The following PLXNA2 variants were observed in gnomAD, a reference collection of about 807,000 sequenced individuals.
PLXNA2 encodes plexin A2.
PLXNA2 carries 91 observed loss-of-function variants against 193.5 expected under a neutral mutation model. The observed-to-expected ratio is 0.47, with a 90% CI of 0.40 to 0.56. PLXNA2 has a LOEUF of 0.56. Ranked by LOEUF, PLXNA2 falls within the 20% of genes least tolerant of loss-of-function variation. The pLI is 0.00. For missense variants in PLXNA2, 1,995 were observed against 2,503.2 expected (o/e 0.80, Z 4.33); for synonymous variants, 997 against 1,027.3 (o/e 0.97, Z 0.56).
rs568149815 is a variant in PLXNA2, at chr1:208,239,519, T to C, written c.-81+4124A>G. Among the ~76,000 whole-genome samples, 14 of 152,258 alleles carry C rather than the reference T, an allele frequency of 9.2e-5. No individual in the cohort carries two copies. The East Asian group carries it at 2.5e-3, about 27-fold the overall frequency. On this transcript the variant is annotated intron_variant, in intron 1 of 31. Transcript: ENST00000367033. Reference sequence around the variant, plus strand: ...TCTTCCATCCACCTGCTGGTTTTCTTTGATGTTCAGGATTCCAGGTCTGAC... The same window carrying C: ...TCTTCCATCCACCTGCTGGTTTTCTCTGATGTTCAGGATTCCAGGTCTGAC...
At chr1:208,164,842 T>G (rs1159848749) in intron 3 of PLXNA2, among the ~76,000 whole-genome samples, 3 of 152,142 alleles carry the variant, frequency 2.0e-5, no homozygotes, top group Non-Finnish European at 4.4e-5. Context: ...ACTAACGGAT[T>G]CTCTTATCTC....
In PLXNA2 at chr1:208,082,528, G is replaced by A; in HGVS notation, c.2299-20C>T. 1.3e-6 allele frequency: 2 copies of A among 1,589,628 alleles called. No homozygotes were observed. Among genetic ancestry groups the A allele is most frequent in the Non-Finnish European group, 1.7e-6 (2 of 1,158,360 alleles). ...CTGGTACTATAGGGAGACGGGCAGAGGCATGGGGCTCATGTGGCTCTCTAT... is the reference window on the plus strand; with the variant it reads ...CTGGTACTATAGGGAGACGGGCAGAAGCATGGGGCTCATGTGGCTCTCTAT... On this transcript the variant is annotated intron_variant, in intron 10 of 31. Coordinates refer to ENST00000367033, the MANE Select transcript of PLXNA2 (RefSeq NM_025179.4). The surrounding 1 kb of genome is among the most constrained non-coding windows in gnomAD (Gnocchi z 4.2).
chr1:208,107,402 G>GT (rs1259597573), intron 4 of PLXNA2, among the ~76,000 whole-genome samples: 1 of 152,170 alleles, frequency 6.6e-6, no homozygotes, highest in African/African-American at 2.4e-5. Context: ...GATTTTAGGG[G>GT]TGTAGGGGAA....
In PLXNA2 at chr1:208,086,948, A is replaced by ACTCTCTCTCTCTCT. The variant is rs59683728; in HGVS notation, c.2098-2382_2098-2369dup. Among the ~76,000 whole-genome samples, 1,230 of 134,662 alleles carry ACTCTCTCTCTCTCT rather than the reference A, an allele frequency of 9.1e-3. 30 individuals are homozygous for ACTCTCTCTCTCTCT. Among genetic ancestry groups the ACTCTCTCTCTCTCT allele is most frequent in the East Asian group, 0.046 (196 of 4,220 alleles). The allele number at this position is 134,662 out of a possible 152,430, so 88.3% of individuals were successfully genotyped here. On this transcript the variant is annotated intron_variant, in intron 9 of 31. Transcript: ENST00000367033. ...GCTGGGGTATAATGGTCTCTCTCGC[A>ACTCTCTCTCTCTCT]CTCTCTCTCTCTCTCTCTCTCTCTC...
chr1:208,217,056 C>A lies in PLXNA2; in HGVS notation c.867G>T (p.Lys289Asn). 1.2e-6 allele frequency: 2 copies of A among 1,613,398 alleles called. No individual in the cohort carries two copies. The highest frequency in any genetic ancestry group is 1.7e-6 in the Non-Finnish European group (2 of 1,179,470). ...AGGGCAGGGACACGTATGAGTGGAA[C>A]TTGGGGTCATCCTTGCAGAGCCGCA... ...RIVRLCKDDP[K>N]FHSYVSLPFG... is the part of the protein sequence containing the mutation. Residue 289 changes from lysine to asparagine, a missense_variant, in exon 2 of 32, where the codon AAG becomes AAT. Physicochemically the swap from Lys to Asn is moderately conservative, Grantham distance 94. Transcript: ENST00000367033. The surrounding 1 kb of genome is among the most constrained non-coding windows in gnomAD (Gnocchi z 4.7).
At position 208,044,977 on chromosome 1, in the gene PLXNA2, C is replaced by T; in HGVS notation, c.3639+90G>A. ...GGAGATATGGAGGGGGTGAGTCAGG[C>T]AACGAGACAGAAGAGAGCCTTTCCT... is the stretch of plus-strand genomic sequence containing the variant. On this transcript the variant is annotated intron_variant, in intron 19 of 31. Transcript: ENST00000367033. The surrounding 1 kb of genome is among the most constrained non-coding windows in gnomAD (Gnocchi z 4.9). 2 of 1,485,584 alleles carry T rather than the reference C, an allele frequency of 1.3e-6. No individual in the cohort carries two copies. Among genetic ancestry groups the T allele is most frequent in the Middle Eastern group, 2.1e-4 (1 of 4,866 alleles). 92.0% of individuals were successfully genotyped at this position (1,485,584 alleles called of 1,614,324 possible). A position where few individuals can be genotyped will look rare whatever the true frequency, so the allele number is the denominator to read the frequency against.
At chr1:208,166,850 G>A (rs1373533655) in intron 3 of PLXNA2, among the ~76,000 whole-genome samples, 1 of 152,170 alleles carries the variant, frequency 6.6e-6, no homozygotes, top group East Asian at 1.9e-4. Context: ...TCTGGTTTCG[G>A]TTCCTCACAC....
At position 208,025,501 on chromosome 1, in the gene PLXNA2, G is replaced by C. The variant is rs1248039279; in HGVS notation, c.*1742C>G. On this transcript the variant is annotated 3_prime_UTR_variant, in exon 32 of 32. Coordinates refer to ENST00000367033, the MANE Select transcript of PLXNA2 (RefSeq NM_025179.4). The stretch of plus-strand genomic sequence containing the variant: ...TTTGAAAAGTGAGGAAGGGCAGCTT[G>C]TTCCTCTTTGTCTTCCCCAGTCCCA... 1 of 152,466 alleles carries C rather than the reference G, an allele frequency of 6.6e-6. No individual in the cohort carries two copies. Among genetic ancestry groups the C allele is most frequent in the Non-Finnish European group, 1.5e-5 (1 of 68,196 alleles). 9.4% of individuals were successfully genotyped at this position (152,466 alleles called of 1,614,324 possible). A position where few individuals can be genotyped will look rare whatever the true frequency, so the allele number is the denominator to read the frequency against.
chr1:208,040,008 A>G lies in PLXNA2; in HGVS notation c.4337T>C (p.Leu1446Pro), dbSNP rs757428762. 1 of 1,614,132 alleles carries G rather than the reference A, an allele frequency of 6.2e-7. No homozygotes were observed. The highest frequency in any genetic ancestry group is 8.5e-7 in the Non-Finnish European group (1 of 1,179,986). ...KMLTNWFAFLLHKFLKECAGE... is the reference protein window; with the variant it reads ...KMLTNWFAFLPHKFLKECAGE... ...CTTTCTCACCTTTAGGAACTTGTGC[A>G]GGAGGAAGGCGAACCAATTGGTCAG... The change falls in exon 23 of 32, where the codon CTG (leucine) becomes CCG (proline). Residue 1446 changes from leucine to proline, a missense_variant. Physicochemically the swap from Leu to Pro is moderately conservative, Grantham distance 98 (BLOSUM62 -3). Around this residue, in one of 3 missense-constraint regions of PLXNA2, gnomAD observed 1,291 missense variants for 1,673.6 expected, o/e 0.77. Transcript: ENST00000367033.
Position 208,038,875 on chromosome 1 carries a change from T to C in PLXNA2, c.4610A>G (p.Tyr1537Cys), listed in dbSNP as rs1233171503. 3.1e-6 allele frequency: 5 copies of C among 1,614,112 alleles called. No individual in the cohort carries two copies. The highest frequency in any genetic ancestry group is 1.1e-5 in the South Asian group (1 of 91,076). ...QVKEKILDAV[Y>C]KNVPYSQRPR... ...CCGCTGGGAATAGGGCACATTCTTA[T>C]ACACGGCATCAAGAATCTTCTCCTT... Residue 1537 changes from tyrosine to cysteine, a missense_variant, in exon 25 of 32, where the codon TAT becomes TGT. Physicochemically the swap from Tyr to Cys is radical, Grantham distance 194. Coordinates refer to ENST00000367033, the MANE Select transcript of PLXNA2 (RefSeq NM_025179.4). This position sits in a 1 kb window ranked among gnomAD's most constrained non-coding sequence, Gnocchi z 4.1.
At chr1:208,062,081 A>T (rs1191300822) in intron 12 of PLXNA2, among the ~76,000 whole-genome samples, 2 of 152,058 alleles carry the variant, frequency 1.3e-5, no homozygotes, top group Non-Finnish European at 2.9e-5. Flanking sequence ...GCAAAAAAAA[A>T]GGGGACTTGA....
At position 208,024,681 on chromosome 1, in the gene PLXNA2, C is replaced by T. The variant is rs544772118; in HGVS notation, c.*2562G>A. 103 of 152,440 alleles carry T rather than the reference C, an allele frequency of 6.8e-4. No homozygotes were observed. The highest frequency in any genetic ancestry group is 1.2e-3 in the Non-Finnish European group (82 of 68,144). The allele number at this position is 152,440 out of a possible 1,614,324, so 9.4% of individuals were successfully genotyped here. A position where few individuals can be genotyped will look rare whatever the true frequency, so the allele number is the denominator to read the frequency against. ...AGGAAACGCCCCAGGGGCAGTGAATCGTCTCCAAAAGTAACTGCTGGGAGA... is the reference window on the plus strand; with the variant it reads ...AGGAAACGCCCCAGGGGCAGTGAATTGTCTCCAAAAGTAACTGCTGGGAGA... On this transcript the variant is annotated 3_prime_UTR_variant, in exon 32 of 32. Transcript: ENST00000367033.
chr1:208,117,042 A>G (rs942855192), intron 4 of PLXNA2, among the ~76,000 whole-genome samples: 1 of 152,130 alleles, frequency 6.6e-6, no homozygotes, highest in Non-Finnish European at 1.5e-5. Flanking sequence ...GTGGTGGTGC[A>G]TGCCTGTGGT....
chr1:208,242,105 T>C (rs1672075321), intron 1 of PLXNA2, among the ~76,000 whole-genome samples: 1 of 152,160 alleles, frequency 6.6e-6, no homozygotes, highest in South Asian at 2.1e-4. Flanking sequence ...TCTGGGGTTA[T>C]TGCATAAAAG....
Position 208,045,990 on chromosome 1 carries a change from G to A in PLXNA2, c.3383C>T (p.Ser1128Phe). Reference protein sequence around the residue: ...EFGFVFNNVQSLLIYNDTKFI... With the variant: ...EFGFVFNNVQFLLIYNDTKFI... The stretch of plus-strand genomic sequence containing the variant: ...CTTGGTGTCGTTGTAAATTAGCAAG[G>A]ATTGGACATTGTTAAAGACAAATCC... Residue 1128 changes from serine to phenylalanine, a missense_variant, in exon 18 of 32, where the codon TCC becomes TTC. Coordinates refer to ENST00000367033, the MANE Select transcript of PLXNA2 (RefSeq NM_025179.4). The A allele has an allele frequency of 6.2e-7, 1 of 1,614,258 alleles. No individual in the cohort carries two copies. Among genetic ancestry groups the A allele is most frequent in the Non-Finnish European group, 8.5e-7 (1 of 1,180,052 alleles).
chr1:208,098,927 A>T lies in PLXNA2; in HGVS notation c.1650T>A (p.Asn550Lys). 1 of 1,613,716 alleles carries T rather than the reference A, an allele frequency of 6.2e-7. No homozygotes were observed. Among genetic ancestry groups the T allele is most frequent in the African/African-American group, 1.3e-5 (1 of 75,060 alleles). ...ACTGGCTGATGCTGGCAGCAAATCG[A>T]TTAGGTTCCCAGGCCTGTTGGCATT... Reference protein sequence around the residue: ...RDKCQQAWEPNRFAASISQCV... With the variant: ...RDKCQQAWEPKRFAASISQCV... The change falls in exon 6 of 32, where the codon AAT (asparagine) becomes AAA (lysine). Residue 550 changes from asparagine to lysine, a missense_variant. By Grantham distance (94) the Asn-to-Lys change is moderately conservative. This residue lies in a region of PLXNA2 where 702 missense variants were observed against 812.9 expected (regional missense o/e 0.86). Transcript: ENST00000367033.
intron 3 of PLXNA2, among the ~76,000 whole-genome samples, chr1:208,147,774 C>T (rs1668644322): frequency 6.6e-6 from 1 of 152,146 alleles, no homozygotes; most frequent in South Asian, 2.1e-4. Flanking sequence ...ACATAGCTGC[C>T]CTTGCTGCTG....
chr1:208,162,483 C>T (rs1321501727), intron 3 of PLXNA2, among the ~76,000 whole-genome samples: 1 of 152,160 alleles, frequency 6.6e-6, no homozygotes. Context: ...AAGGTGAGCC[C>T]TGAGGTCCTT....
At chr1:208,079,180 C>T in intron 12 of PLXNA2, 80 bp downstream of exon 12, 1 of 1,247,014 alleles carries the variant, frequency 8.0e-7, no homozygotes, top group Non-Finnish European at 1.1e-6. Flanking sequence ...TCCACAGAGT[C>T]TCAATTTGCA....
Sources: gnomAD v4.1 joint callset for allele counts (sites outside exome capture counted in the v4.1 genomes callset) on GRCh38, gnomAD v4.1.1 for gene constraint, gnomAD v4.1.1 regional missense constraint, Gnocchi (gnomAD v3.1) non-coding constraint, MANE v1.5 for transcripts, NCBI Gene and HGNC (gene_info 2026-07-23, HGNC 2026-07-21) for gene names.